CTNNA3: variants seen among roughly 807,000 people sequenced by gnomAD.
CTNNA3 encodes catenin alpha-3.
A neutral mutation model predicts 95.7 loss-of-function variants in CTNNA3; 76 were observed. That is an observed-to-expected ratio of 0.79 (90% CI 0.66 to 0.96). The LOEUF (loss-of-function observed/expected upper bound fraction) is 0.96. CTNNA3 is among the 40% of genes least tolerant of loss of function. CTNNA3 has a pLI of 0.00. For synonymous variants in CTNNA3, 431 were observed against 374.4 expected (o/e 1.15, Z -1.74); for missense variants, 1,191 against 1,089.8 (o/e 1.09, Z -1.31).
intron 7 of CTNNA3, chr10:66,928,315 C>T (rs1847189570): frequency 6.2e-7 from 1 of 1,614,060 alleles, no homozygotes; most frequent in African/African-American, 1.3e-5. Flanking sequence ...AAAGAAAAGA[C>T]AGTCCCTAAA....
At chr10:67,384,622 G>C (rs1017526601) in intron 5 of CTNNA3, among the ~76,000 whole-genome samples, 1 of 152,154 alleles carries the variant, frequency 6.6e-6, no homozygotes, top group Non-Finnish European at 1.5e-5. Flanking sequence ...CAAAGTTCCA[G>C]GGGAGCCCAA....
In CTNNA3 at chr10:66,350,458, C is replaced by T. The variant is rs75599906; in HGVS notation, c.1732+28694G>A. ...TCCCAATCAAAAATAGAATGTTGAA[C>T]GAATTTATCTGAGTAAGGGCAAGAG... is the stretch of plus-strand genomic sequence containing the variant. On this transcript the variant is annotated intron_variant, in intron 12 of 17. Coordinates refer to ENST00000433211, the MANE Select transcript of CTNNA3 (RefSeq NM_013266.4). 1.1e-4 allele frequency among the ~76,000 whole-genome samples: 16 copies of T among 151,842 alleles called. No homozygotes were observed. In the East Asian group the frequency reaches 1.7e-3, roughly 17 times the overall value.
chr10:66,711,421 T>A (rs944906093), intron 9 of CTNNA3, among the ~76,000 whole-genome samples: 1 of 152,082 alleles, frequency 6.6e-6, no homozygotes, highest in Non-Finnish European at 1.5e-5. Flanking sequence ...TAATAATGTA[T>A]CTTCCTAGGT....
chr10:67,345,972 T>G (rs1321009574), intron 5 of CTNNA3, among the ~76,000 whole-genome samples: 1 of 152,148 alleles, frequency 6.6e-6, no homozygotes, highest in East Asian at 1.9e-4. Context: ...GTTTCTTGTT[T>G]TTTTTATTTT....
intron 3 of CTNNA3, among the ~76,000 whole-genome samples, chr10:67,571,947 G>C (rs1841993398): frequency 6.6e-6 from 1 of 152,060 alleles, no homozygotes; most frequent in Non-Finnish European, 1.5e-5. Flanking sequence ...TCAACTATAA[G>C]TTTTTATGAC....
intron 5 of CTNNA3, among the ~76,000 whole-genome samples, chr10:67,274,684 C>T (rs1473401679): frequency 6.6e-6 from 1 of 152,014 alleles, no homozygotes; most frequent in Non-Finnish European, 1.5e-5. Flanking sequence ...AAAAAATTAG[C>T]TGAGCACAGT....
intron 6 of CTNNA3, among the ~76,000 whole-genome samples, chr10:67,201,023 T>C (rs1863618888): frequency 6.6e-6 from 1 of 152,174 alleles, no homozygotes; most frequent in African/African-American, 2.4e-5. Context: ...TTTGGCTGTA[T>C]CTATTTATTA....
intron 11 of CTNNA3, among the ~76,000 whole-genome samples, chr10:66,487,865 C>T (rs1024678962): frequency 6.6e-6 from 1 of 152,092 alleles, no homozygotes; most frequent in Non-Finnish European, 1.5e-5. Context: ...TTGGTAAATA[C>T]TCTTTAAAAA....
At chr10:67,195,025 A>T (rs1257554848) in intron 6 of CTNNA3, among the ~76,000 whole-genome samples, 4 of 151,892 alleles carry the variant, frequency 2.6e-5, no homozygotes, top group Admixed American at 2.6e-4. Context: ...ATATCTTAGG[A>T]TGGGAAGAAT....
chr10:66,283,981 C>T (rs918245458), intron 12 of CTNNA3, among the ~76,000 whole-genome samples: 7 of 151,746 alleles, frequency 4.6e-5, no homozygotes, highest in East Asian at 1.9e-4. Flanking sequence ...TACAATCATG[C>T]TATAGAATTA....
At chr10:66,711,644 G>C (rs1169835367) in intron 9 of CTNNA3, among the ~76,000 whole-genome samples, 1 of 152,006 alleles carries the variant, frequency 6.6e-6, no homozygotes, top group Non-Finnish European at 1.5e-5. Context: ...CACCTCCCGG[G>C]TTCAAGTGAT....
intron 1 of CTNNA3, among the ~76,000 whole-genome samples, chr10:67,686,575 G>A (rs1840735943): frequency 6.6e-6 from 1 of 152,042 alleles, no homozygotes; most frequent in South Asian, 2.1e-4. Context: ...ACTTCCTTTG[G>A]CACCTAGTAT....
chr10:67,005,094 G>A (rs1851894018), intron 7 of CTNNA3, among the ~76,000 whole-genome samples: 1 of 152,100 alleles, frequency 6.6e-6, no homozygotes, highest in Admixed American at 6.6e-5. Context: ...TTTTCCTATG[G>A]ATTATTTTTT....
intron 11 of CTNNA3, among the ~76,000 whole-genome samples, chr10:66,503,648 T>C (rs1209135724): frequency 6.6e-6 from 1 of 152,070 alleles, no homozygotes; most frequent in Non-Finnish European, 1.5e-5. Context: ...TTTGTGTTTT[T>C]AGTAGAGACG....
chr10:65,931,714 GTC>G (rs1230770170), intron 17 of CTNNA3, among the ~76,000 whole-genome samples: 1 of 152,200 alleles, frequency 6.6e-6, no homozygotes, highest in Non-Finnish European at 1.5e-5. Flanking sequence ...CAAATCAGAA[GTC>G]TCTCTCTTCC....
chr10:66,460,709 G>A (rs559111645), intron 11 of CTNNA3, among the ~76,000 whole-genome samples: 1 of 152,098 alleles, frequency 6.6e-6, no homozygotes, highest in South Asian at 2.1e-4. Flanking sequence ...TAAAATCTCT[G>A]GTATCATCTC....
intron 7 of CTNNA3, among the ~76,000 whole-genome samples, chr10:67,154,471 A>G (rs1385762960): frequency 6.6e-6 from 1 of 152,224 alleles, no homozygotes; most frequent in Non-Finnish European, 1.5e-5. Flanking sequence ...TACAAATCCA[A>G]TAAGAGCTTT....
intron 11 of CTNNA3, among the ~76,000 whole-genome samples, chr10:66,386,762 G>A (rs2092896265): frequency 1.3e-5 from 2 of 152,012 alleles, no homozygotes; most frequent in South Asian, 4.2e-4. Flanking sequence ...TAGACCAATG[G>A]AACAGAACAG....
At chr10:67,224,473 A>C (rs963397390) in intron 5 of CTNNA3, among the ~76,000 whole-genome samples, 1 of 152,174 alleles carries the variant, frequency 6.6e-6, no homozygotes, top group African/African-American at 2.4e-5. Context: ...ATGAGGGAGG[A>C]CCCACAGACC....
Sources: allele counts gnomAD v4.1 joint callset (sites outside exome capture counted in the v4.1 genomes callset), GRCh38; gene constraint gnomAD v4.1.1; transcripts MANE v1.5; gene names NCBI Gene and HGNC (gene_info 2026-07-23, HGNC 2026-07-21).